The following TAF1 variants were observed in gnomAD, a reference collection of about 807,000 sequenced individuals.
TAF1 encodes TATA-box binding protein associated factor 1.
Under a neutral mutation model 138.5 loss-of-function variants are expected in TAF1, and 2 were observed. The ratio of observed to expected loss-of-function variants is 0.01; its 90% CI spans 0.01 to 0.05. TAF1 has a LOEUF of 0.05. Among genes scored for constraint, TAF1 ranks in the 10% least tolerant of loss-of-function variants. The pLI is 1.00. For synonymous variants in TAF1, 437 were observed against 503.2 expected (o/e 0.87, Z 1.76); for missense variants, 709 against 1,478.0 (o/e 0.48, Z 8.53).
chrX:71,368,867 G>A (rs1219439481), intron 3 of TAF1: 1 of 75,996 alleles, frequency 1.3e-5, no homozygotes, highest in Non-Finnish European at 2.5e-5. Flanking sequence ...TTTTTTTTCC[G>A]AGACGGAGTG....
At chrX:71,461,095 C>T (rs2038532770) in intron 37 of TAF1, 1 of 291,198 alleles carries the variant, frequency 3.4e-6, no homozygotes, top group African/African-American at 2.7e-5. Flanking sequence ...GGGAGTGTCT[C>T]AGTCTGCTTG....
intron 32 of TAF1, among the ~76,000 whole-genome samples, chrX:71,443,296 T>G (rs1488055238): frequency 8.9e-6 from 1 of 112,396 alleles, no homozygotes; most frequent in Non-Finnish European, 1.9e-5. Flanking sequence ...TCCATGAGCA[T>G]GGAATCTTCT....
chrX:71,498,191 C>G (rs2039432871), intron 13 of TAF1, among the ~76,000 whole-genome samples: 1 of 111,725 alleles, frequency 9.0e-6, no homozygotes, highest in Non-Finnish European at 1.9e-5. Flanking sequence ...TCCCTAAACC[C>G]TTGGGGCAAG....
At chrX:71,436,436 C>G (rs995284327) in intron 32 of TAF1, among the ~76,000 whole-genome samples, 1 of 109,046 alleles carries the variant, frequency 9.2e-6, no homozygotes, top group Non-Finnish European at 1.9e-5. Flanking sequence ...AGGATGGTCT[C>G]TATCTCCTGA....
At chrX:71,502,867 G>A (rs1314454206) in intron 13 of TAF1, among the ~76,000 whole-genome samples, 1 of 110,785 alleles carries the variant, frequency 9.0e-6, no homozygotes, top group East Asian at 2.8e-4. Context: ...GAACCCAGAA[G>A]GCAGAGGTTG....
intron 13 of TAF1, among the ~76,000 whole-genome samples, chrX:71,514,478 A>C (rs1046396928): frequency 9.2e-6 from 1 of 108,536 alleles, no homozygotes; most frequent in African/African-American, 3.4e-5. Flanking sequence ...AAAAAAAAAA[A>C]AAAAAACCCT....
rs187087003 is a variant in TAF1, at chrX:71,506,567, C to T, written c.1367-21975C>T. ...AAAAGTAGCCGGGCATGGTGGCACGCGCCTGTAGTCCCATCTACTCGGGAG... is the reference window on the plus strand; with the variant it reads ...AAAAGTAGCCGGGCATGGTGGCACGTGCCTGTAGTCCCATCTACTCGGGAG... On this transcript the variant is annotated intron_variant and NMD_transcript_variant, in intron 13 of 14. Coordinates refer to the TAF1 transcript ENST00000373775. Among the ~76,000 whole-genome samples, 356 of 103,512 alleles carry T rather than the reference C, an allele frequency of 3.4e-3. 3 individuals are homozygous for T. Among genetic ancestry groups the T allele is most frequent in the African/African-American group, 0.012 (335 of 28,200 alleles). The allele number at this position is 103,512 out of a possible 115,157, so 89.9% of individuals were successfully genotyped here.
At chrX:71,391,928 C>T (rs907654709) in intron 18 of TAF1, among the ~76,000 whole-genome samples, 2 of 111,033 alleles carry the variant, frequency 1.8e-5, no homozygotes, top group Non-Finnish European at 3.8e-5. Flanking sequence ...CACCTGGCCT[C>T]ATGTACTCCT....
intron 4 of TAF1, 24 bp from the exon 5 acceptor site, chrX:71,376,926 A>G: frequency 8.3e-7 from 1 of 1,208,581 alleles, no homozygotes. Flanking sequence ...TACATGCCAA[A>G]GGGGTTTCTC....
chrX:71,472,937 ATTTG>A (rs767137962), intron 13 of TAF1, among the ~76,000 whole-genome samples: 2 of 111,899 alleles, frequency 1.8e-5, no homozygotes, highest in East Asian at 5.6e-4. Context: ...AAAAGTTTGT[ATTTG>A]TTTATCTTGC....
chrX:71,486,216 G>T (rs1247524932), intron 13 of TAF1, among the ~76,000 whole-genome samples: 1 of 110,289 alleles, frequency 9.1e-6, no homozygotes, highest in Non-Finnish European at 1.9e-5. Flanking sequence ...CTAATTTTTT[G>T]ATTTTCTGTA....
At chrX:71,480,938 C>A (rs772013873) in intron 13 of TAF1, among the ~76,000 whole-genome samples, 2 of 111,712 alleles carry the variant, frequency 1.8e-5, no homozygotes, top group African/African-American at 6.5e-5. Context: ...ATGATGGTGG[C>A]TTGGTTGAGG....
chrX:71,486,251 G>T (rs1297251958), intron 13 of TAF1, among the ~76,000 whole-genome samples: 1 of 111,497 alleles, frequency 9.0e-6, no homozygotes, highest in Non-Finnish European at 1.9e-5. Context: ...ATGTTTCTAT[G>T]TTGCCCAGGC....
chrX:71,446,041 A>G (rs2037681741), intron 32 of TAF1, among the ~76,000 whole-genome samples: 1 of 108,879 alleles, frequency 9.2e-6, no homozygotes, highest in South Asian at 4.0e-4. Context: ...CTCCCAAGTA[A>G]CTGGGATTAC....
chrX:71,388,715 C>T, intron 16 of TAF1, 23 bp from the exon 17 acceptor site: 1 of 1,210,798 alleles, frequency 8.3e-7, no homozygotes, highest in Non-Finnish European at 1.1e-6. Flanking sequence ...TGGTCTCATT[C>T]TCTATGTATA....
intron 30 of TAF1, 137 bp downstream of exon 30, chrX:71,423,376 T>C (rs777489892): frequency 1.1e-6 from 1 of 950,167 alleles, no homozygotes; most frequent in South Asian, 2.6e-5. Context: ...ATTTTAAATA[T>C]TGACCTTTTT....
chrX:71,447,160 T>G (rs1240236668), intron 32 of TAF1, among the ~76,000 whole-genome samples: 1 of 111,726 alleles, frequency 9.0e-6, no homozygotes, highest in Non-Finnish European at 1.9e-5. Context: ...CTACTGAGCT[T>G]TTATTTTTTA....
chrX:71,488,242 T>C (rs1208832618), intron 13 of TAF1, among the ~76,000 whole-genome samples: 3 of 93,999 alleles, frequency 3.2e-5, no homozygotes, highest in Non-Finnish European at 6.2e-5. Context: ...GTGGTTTCTT[T>C]TTTTTTTTTT....
At chrX:71,503,310 A>ATATATATGTGTG (rs1569408357) in intron 13 of TAF1, among the ~76,000 whole-genome samples, 1 of 94,724 alleles carries the variant, frequency 1.1e-5, no homozygotes, top group African/African-American at 4.3e-5. Flanking sequence ...ATATATATAT[A>ATATATATGTGTG]TATATATATA....
Sources: gnomAD v4.1 joint callset for allele counts (sites outside exome capture counted in the v4.1 genomes callset) on GRCh38, gnomAD v4.1.1 for gene constraint, MANE v1.5 for transcripts, NCBI Gene and HGNC (gene_info 2026-07-23, HGNC 2026-07-21) for gene names.